PCCB: variants seen among roughly 807,000 people sequenced by gnomAD.
The protein encoded by PCCB is propionyl-CoA carboxylase beta chain, mitochondrial.
PCCB carries 43 observed loss-of-function variants against 60.7 expected under a neutral mutation model. The ratio of observed to expected loss-of-function variants is 0.71; its 90% CI spans 0.55 to 0.91. PCCB has a LOEUF of 0.91. Among genes scored for constraint, PCCB ranks in the 40% least tolerant of loss-of-function variants. The pLI is 0.00. For missense variants in PCCB, 766 were observed against 702.8 expected, an observed-to-expected ratio of 1.09 and a Z score of -1.02; for synonymous variants, 276 against 255.9, an observed-to-expected ratio of 1.08 and a Z score of -0.75.
chr3:136,280,333 T>C (rs2108176428), intron 5 of PCCB, among the ~76,000 whole-genome samples: 1 of 152,302 alleles, frequency 6.6e-6, no homozygotes, highest in South Asian at 2.1e-4. Context: ...GTTGACCAGT[T>C]ATTTTGTTTC....
At chr3:136,302,131 T>C (rs1934311399) in intron 9 of PCCB, among the ~76,000 whole-genome samples, 1 of 152,200 alleles carries the variant, frequency 6.6e-6, no homozygotes, top group South Asian at 2.1e-4. Flanking sequence ...GCACAGATTC[T>C]CAATATTTGG....
In PCCB at chr3:136,330,166, G is replaced by A; in HGVS notation, c.*140G>A. 1 of 1,505,414 alleles carries A rather than the reference G, an allele frequency of 6.6e-7. No individual in the cohort carries two copies. Among genetic ancestry groups the A allele is most frequent in the South Asian group, 1.2e-5 (1 of 82,306 alleles). 93.3% of individuals were successfully genotyped at this position (1,505,414 alleles called of 1,614,324 possible). On this transcript the variant is annotated 3_prime_UTR_variant, in exon 15 of 15. Coordinates refer to ENST00000251654, the MANE Select transcript of PCCB (RefSeq NM_000532.5). Reference sequence around the variant, plus strand: ...AACTAAGTTTATTAAATTCTAGAAAGATCTCTTTTGTGCCTTACTGTAAAA... The same window carrying A: ...AACTAAGTTTATTAAATTCTAGAAAAATCTCTTTTGTGCCTTACTGTAAAA...
intron 7 of PCCB, among the ~76,000 whole-genome samples, chr3:136,294,075 C>G (rs147032635): frequency 6.6e-6 from 1 of 152,012 alleles, no homozygotes; most frequent in Non-Finnish European, 1.5e-5. Context: ...TTAAATAACA[C>G]GCTATTAGTA....
At chr3:136,280,350 T>C (rs948275569) in intron 5 of PCCB, among the ~76,000 whole-genome samples, 1 of 152,166 alleles carries the variant, frequency 6.6e-6, no homozygotes, top group Non-Finnish European at 1.5e-5. Context: ...TTTCAATACT[T>C]CTTTTTTTCT....
chr3:136,273,597 CTTTTTT>C, intron 5 of PCCB, among the ~76,000 whole-genome samples: 8 of 45,226 alleles, frequency 1.8e-4, no homozygotes, highest in Non-Finnish European at 2.5e-4. Context: ...TTTCTTTTTT[CTTTTTT>C]TTTTTTTTTT....
chr3:136,325,481 T>G (rs1174073228), intron 10 of PCCB, among the ~76,000 whole-genome samples: 1 of 151,940 alleles, frequency 6.6e-6, no homozygotes. Context: ...TCAAGCCTTC[T>G]GAGTAGCTGG....
At chr3:136,327,585 T>G (rs778085639) in intron 12 of PCCB, 49 bp from the exon 13 acceptor site, 6 of 1,399,364 alleles carry the variant, frequency 4.3e-6, no homozygotes, top group South Asian at 1.2e-5. Flanking sequence ...TTCAGGGACA[T>G]GATCTGGCTG....
At chr3:136,314,699 A>G (rs1391862626) in intron 9 of PCCB, among the ~76,000 whole-genome samples, 2 of 152,074 alleles carry the variant, frequency 1.3e-5, no homozygotes, top group South Asian at 4.2e-4. Context: ...AAAAAAACTC[A>G]CCATTTGGCA....
At position 136,250,426 on chromosome 3, in the gene PCCB, G is replaced by A. The variant is rs1262464904; in HGVS notation, c.51G>A (p.Leu17=). The part of the protein sequence containing the change: ...VAAVGARLSV[L]ASGLRAAVRS... ...CGGTCGGGGCAAGGCTCAGCGTTCT[G>A]GCGAGCGGTCTCCGCGCCGCGGTCC... Residue 17 remains leucine, a synonymous_variant, in exon 1 of 15, where the codon CTG becomes CTA. Coordinates refer to ENST00000251654, the MANE Select transcript of PCCB (RefSeq NM_000532.5). 11 of 1,590,848 alleles carry A rather than the reference G, an allele frequency of 6.9e-6. No homozygotes were observed. In the African/African-American group the frequency reaches 1.1e-4, roughly 16 times the overall value.
Position 136,283,948 on chromosome 3 carries a change from GT to G in PCCB, c.654+2del. On this transcript the variant is annotated splice_donor_variant, in intron 6 of 14. Coordinates refer to ENST00000251654, the MANE Select transcript of PCCB (RefSeq NM_000532.5). LOFTEE classifies it high-confidence loss of function. ...AACAGACTTCACGTTCATGGTAAAG[GT>G]AAGAAAGAAGGGCCTGTTTTTGGTG... 6.3e-7 allele frequency: 1 copy of G among 1,596,790 alleles called. No homozygotes were observed. Among genetic ancestry groups the G allele is most frequent in the Middle Eastern group, 1.7e-4 (1 of 5,806 alleles).
chr3:136,259,691 A>G (rs993420023), intron 3 of PCCB, among the ~76,000 whole-genome samples: 1 of 152,204 alleles, frequency 6.6e-6, no homozygotes, highest in African/African-American at 2.4e-5. Flanking sequence ...ATTCTATGGA[A>G]TAATCTATAA....
At chr3:136,264,738 G>T (rs935078098) in intron 5 of PCCB, among the ~76,000 whole-genome samples, 1 of 151,722 alleles carries the variant, frequency 6.6e-6, no homozygotes, top group Non-Finnish European at 1.5e-5. Flanking sequence ...AGCCAGGTGT[G>T]GTGGCGGGCG....
chr3:136,252,662 A>ATTTTT (rs962722858), intron 1 of PCCB, among the ~76,000 whole-genome samples: 1 of 120,910 alleles, frequency 8.3e-6, no homozygotes, highest in African/African-American at 3.2e-5. Context: ...TACCCAGCTA[A>ATTTTT]TTTTTTTTTT....
intron 6 of PCCB, among the ~76,000 whole-genome samples, chr3:136,288,566 T>C (rs1933530962): frequency 6.6e-6 from 1 of 151,864 alleles, no homozygotes; most frequent in Non-Finnish European, 1.5e-5. Context: ...CTTAGACTGG[T>C]CTTGAACTCC....
chr3:136,291,197 G>A (rs760970889), intron 6 of PCCB, among the ~76,000 whole-genome samples: 4 of 151,728 alleles, frequency 2.6e-5, no homozygotes, highest in Non-Finnish European at 5.9e-5. Flanking sequence ...AGTGTTGAAC[G>A]CCTGGGCTCA....
chr3:136,253,916 G>A (rs1941594974), intron 1 of PCCB, among the ~76,000 whole-genome samples: 1 of 152,022 alleles, frequency 6.6e-6, no homozygotes, highest in East Asian at 1.9e-4. Context: ...CCAAAGTGCT[G>A]GGATTACAGG....
intron 5 of PCCB, among the ~76,000 whole-genome samples, chr3:136,266,094 G>T (rs1339508362): frequency 6.6e-6 from 1 of 150,888 alleles, no homozygotes; most frequent in African/African-American, 2.4e-5. Flanking sequence ...CAAAGTGCTG[G>T]GATTACAGGT....
intron 5 of PCCB, among the ~76,000 whole-genome samples, chr3:136,268,103 T>TATAC (rs1553775762): frequency 2.9e-4 from 37 of 125,490 alleles, no homozygotes; most frequent in Non-Finnish European, 3.2e-4. Context: ...TATATATATA[T>TATAC]ATATATATAT....
intron 4 of PCCB, 62 bp from the exon 5 acceptor site, chr3:136,261,890 G>A (rs946231820): frequency 1.1e-5 from 13 of 1,140,478 alleles, no homozygotes; most frequent in Admixed American, 2.0e-5. Flanking sequence ...GTGGTATTTT[G>A]TGAATGTCGT....
Sources: gnomAD v4.1 joint callset for allele counts (sites outside exome capture counted in the v4.1 genomes callset) on GRCh38, gnomAD v4.1.1 for gene constraint, MANE v1.5 for transcripts, NCBI Gene and HGNC (gene_info 2026-07-23, HGNC 2026-07-21) for gene names.